Variants in CCDC141 observed in about 807,000 individuals in gnomAD.
CCDC141 encodes the protein coiled-coil domain containing 141.
Under a neutral mutation model 181.0 loss-of-function variants are expected in CCDC141, and 168 were observed. The observed-to-expected ratio is 0.93, with a 90% confidence interval of 0.82 to 1.05. The LOEUF (loss-of-function observed/expected upper bound fraction) is 1.05, where lower values mean the gene tolerates loss of function less well. Among genes scored for constraint, CCDC141 ranks in the 50% least tolerant of loss-of-function variants. The probability of loss-of-function intolerance (pLI) is 0.00; values close to 1 mark genes in which losing one functional copy is unlikely to be tolerated. For synonymous variants in CCDC141, 666 were observed against 642.3 expected (o/e 1.04, Z -0.56); for missense variants, 1,902 against 1,788.5 (o/e 1.06, Z -1.14).
chr2:178,896,985 A>C, intron 8 of CCDC141, among the ~76,000 whole-genome samples: 1 of 137,926 alleles, frequency 7.3e-6, no homozygotes. Context: ...TCCTCCAGCC[A>C]CACCACCCTT....
chr2:178,974,051 T>C (rs1691016080), intron 4 of CCDC141, among the ~76,000 whole-genome samples: 1 of 152,018 alleles, frequency 6.6e-6, no homozygotes, highest in African/African-American at 2.4e-5. Flanking sequence ...CATAAGAATT[T>C]ACATAGGAAA....
At chr2:178,966,229 G>A (rs952524227) in intron 4 of CCDC141, among the ~76,000 whole-genome samples, 12 of 152,262 alleles carry the variant, frequency 7.9e-5, no homozygotes, top group African/African-American at 2.9e-4. Flanking sequence ...CAGATCTGAA[G>A]GGAGTAGCAG....
At chr2:178,985,610 T>C (rs6711577) in intron 2 of CCDC141, among the ~76,000 whole-genome samples, 2,345 of 150,266 alleles carry the variant, frequency 0.016, 20 homozygotes, top group African/African-American at 0.055. Context: ...ATCAAATAGA[T>C]GCAATAAAAA....
intron 6 of CCDC141, among the ~76,000 whole-genome samples, chr2:178,921,740 T>C (rs1688698723): frequency 6.6e-6 from 1 of 152,216 alleles, no homozygotes; most frequent in South Asian, 2.1e-4. Context: ...AAACGTTCTA[T>C]AGCTAAGAGC....
At chr2:179,022,946 T>C in intron 2 of CCDC141, among the ~76,000 whole-genome samples, 1 of 152,106 alleles carries the variant, frequency 6.6e-6, no homozygotes, top group East Asian at 1.9e-4. Flanking sequence ...AGCTGAGAAG[T>C]GACGCGTACC....
At chr2:178,901,032 A>G (rs1455561085) in intron 8 of CCDC141, among the ~76,000 whole-genome samples, 1 of 152,122 alleles carries the variant, frequency 6.6e-6, no homozygotes, top group African/African-American at 2.4e-5. Context: ...CTGAGTTGAG[A>G]AGACAGGAAC....
At chr2:178,884,844 A>G in intron 11 of CCDC141, 57 bp downstream of exon 11, 1 of 1,407,644 alleles carries the variant, frequency 7.1e-7, no homozygotes, top group Non-Finnish European at 9.7e-7. Context: ...CCCCACAGAA[A>G]GCAAGGACAT....
chr2:178,937,475 C>T lies in CCDC141; in HGVS notation c.897+7060G>A, dbSNP rs868177727. Among the ~76,000 whole-genome samples, 32 of 152,192 alleles carry T rather than the reference C, an allele frequency of 2.1e-4. No homozygotes were observed. In the Middle Eastern group the frequency reaches 0.014, roughly 65 times the overall value. The stretch of plus-strand genomic sequence containing the variant: ...CGTGGTGGAATAGCTTTTTGATGTG[C>T]TGTTCAATTTGGTTTTGTAAGTGTT... On this transcript the variant is annotated intron_variant, in intron 6 of 23. Transcript: ENST00000443758.
chr2:178,907,508 G>A (rs1165558532), intron 7 of CCDC141, among the ~76,000 whole-genome samples: 1 of 152,214 alleles, frequency 6.6e-6, no homozygotes, highest in Non-Finnish European at 1.5e-5. Flanking sequence ...TTGTAAATAT[G>A]TCTCTGCCTT....
At chr2:178,954,293 GGCAGATTATCT>G (rs1690071329) in intron 5 of CCDC141, among the ~76,000 whole-genome samples, 1 of 152,112 alleles carries the variant, frequency 6.6e-6, no homozygotes, top group African/African-American at 2.4e-5. Flanking sequence ...TCATTAATGA[GGCAGATTATCT>G]GCAAAATAAG....
At chr2:179,045,779 T>C (rs1040011304) in intron 2 of CCDC141, among the ~76,000 whole-genome samples, 32 of 152,276 alleles carry the variant, frequency 2.1e-4, no homozygotes, top group African/African-American at 6.7e-4. Context: ...GTGAAGGACA[T>C]GAACAGACAC....
chr2:178,852,391 G>A (rs767057663), intron 20 of CCDC141, among the ~76,000 whole-genome samples: 3 of 152,160 alleles, frequency 2.0e-5, no homozygotes, highest in East Asian at 3.9e-4. Flanking sequence ...AAGTTCAATC[G>A]TGGAGGAAAC....
intron 5 of CCDC141, 89 bp downstream of exon 5, chr2:178,961,141 A>C (rs1282180860): frequency 2.2e-6 from 3 of 1,391,806 alleles, no homozygotes; most frequent in Non-Finnish European, 2.9e-6. Flanking sequence ...TTGACCATGA[A>C]GACTGACAAA....
rs1055342319 is a variant in CCDC141, at chr2:178,831,591, G to C, written c.*2582C>G. The C allele has an allele frequency of 6.6e-6, 1 of 152,018 alleles. No individual in the cohort carries two copies. The highest frequency in any genetic ancestry group is 1.5e-5 in the Non-Finnish European group (1 of 68,004). 9.4% of individuals were successfully genotyped at this position (152,018 alleles called of 1,614,324 possible). A position where few individuals can be genotyped will look rare whatever the true frequency, so the allele number is the denominator to read the frequency against. On this transcript the variant is annotated 3_prime_UTR_variant, in exon 24 of 24. Transcript: ENST00000443758. ...ATAGAAACAACACTTAAATTTCCTA[G>C]GTCTTACATTTTTAACCAGTAACTG...
At chr2:178,825,183 G>T (rs1412813719), downstream of CCDC141, 1 of 152,094 alleles carries the variant, frequency 6.6e-6, no homozygotes, top group Non-Finnish European at 1.5e-5. Flanking sequence ...ACTAAAATAT[G>T]ACTTTATGAA....
At chr2:178,891,642 T>A (rs940115012) in intron 8 of CCDC141, among the ~76,000 whole-genome samples, 8 of 152,158 alleles carry the variant, frequency 5.3e-5, no homozygotes, top group Non-Finnish European at 1.0e-4. Context: ...CTCAAATTAC[T>A]ACGTTTCTTG....
At chr2:178,838,734 C>T (rs1684595031) in intron 22 of CCDC141, among the ~76,000 whole-genome samples, 1 of 152,144 alleles carries the variant, frequency 6.6e-6, no homozygotes, top group Non-Finnish European at 1.5e-5. Context: ...CATCAAGATA[C>T]AATAGGAAAG....
chr2:179,025,713 A>G (rs2042824761), intron 2 of CCDC141, among the ~76,000 whole-genome samples: 1 of 152,226 alleles, frequency 6.6e-6, no homozygotes, highest in African/African-American at 2.4e-5. Context: ...GGTAACAGGC[A>G]GGGGTTGGAA....
chr2:179,012,798 G>T (rs953220552), intron 2 of CCDC141, among the ~76,000 whole-genome samples: 2 of 152,094 alleles, frequency 1.3e-5, no homozygotes, highest in Admixed American at 6.5e-5. Context: ...CAGGGATGCA[G>T]GGATAGCTTA....
Sources: gnomAD v4.1 joint callset for allele counts (sites outside exome capture counted in the v4.1 genomes callset) on GRCh38, gnomAD v4.1.1 for gene constraint, MANE v1.5 for transcripts, NCBI Gene and HGNC (gene_info 2026-07-23, HGNC 2026-07-21) for gene names.